Variants in PTPRG observed in about 807,000 individuals in gnomAD.
PTPRG encodes the protein protein tyrosine phosphatase receptor type G.
A neutral mutation model predicts 165.3 loss-of-function variants in PTPRG; 102 were observed. The ratio of observed to expected loss-of-function variants is 0.62; its 90% CI spans 0.53 to 0.73. The LOEUF is 0.73. PTPRG is among the 30% of genes least tolerant of loss of function. PTPRG has a pLI of 0.00. For synonymous variants in PTPRG, 675 were observed against 669.5 expected (o/e 1.01, Z -0.13); for missense variants, 1,866 against 1,861.4 (o/e 1.00, Z -0.05).
intron 2 of PTPRG, among the ~76,000 whole-genome samples, chr3:61,859,480 C>T (rs2037200278): frequency 6.6e-6 from 1 of 152,102 alleles, no homozygotes. Flanking sequence ...TTTCTTCCCC[C>T]TATGCCTCTG....
intron 2 of PTPRG, among the ~76,000 whole-genome samples, chr3:61,775,346 T>C (rs1575654098): frequency 6.6e-6 from 1 of 152,100 alleles, no homozygotes; most frequent in Non-Finnish European, 1.5e-5. Context: ...GCTGGGATTA[T>C]AGGCATGAGG....
At chr3:61,903,443 G>C (rs536813648) in intron 2 of PTPRG, among the ~76,000 whole-genome samples, 1 of 152,008 alleles carries the variant, frequency 6.6e-6, no homozygotes, top group Non-Finnish European at 1.5e-5. Context: ...GCACAATCTC[G>C]GCTCACTGCA....
intron 2 of PTPRG, among the ~76,000 whole-genome samples, chr3:61,881,665 T>A (rs1012950218): frequency 6.6e-6 from 1 of 152,236 alleles, no homozygotes; most frequent in Admixed American, 6.5e-5. Context: ...AAGAACACTT[T>A]CCTCAAATAC....
chr3:61,972,447 A>T (rs565537406), intron 2 of PTPRG, among the ~76,000 whole-genome samples: 1 of 147,772 alleles, frequency 6.8e-6, no homozygotes, highest in South Asian at 2.3e-4. Context: ...TTAAGTTTTA[A>T]CAGGATCCCT....
intron 1 of PTPRG, among the ~76,000 whole-genome samples, chr3:61,738,324 A>ATGTATATATATATGTGTATATATATGTG (rs1553657854): frequency 1.1e-5 from 1 of 93,654 alleles, no homozygotes; most frequent in Non-Finnish European, 2.2e-5. Context: ...ATATATATAT[A>ATGTATATATATATGTGTATATATATGTG]TATATATATA....
At chr3:61,932,390 G>A (rs1225897596) in intron 2 of PTPRG, among the ~76,000 whole-genome samples, 2 of 152,174 alleles carry the variant, frequency 1.3e-5, no homozygotes, top group Admixed American at 1.3e-4. Flanking sequence ...ATTTCTAGCA[G>A]CCTCAGGCGT....
At chr3:61,729,276 C>T (rs139547750) in intron 1 of PTPRG, among the ~76,000 whole-genome samples, 2 of 152,158 alleles carry the variant, frequency 1.3e-5, no homozygotes, top group Non-Finnish European at 2.9e-5. Context: ...CAGTTGTTGC[C>T]GTATGTTTCA....
intron 2 of PTPRG, among the ~76,000 whole-genome samples, chr3:61,942,765 A>C (rs2039665011): frequency 6.6e-6 from 1 of 152,220 alleles, no homozygotes; most frequent in Non-Finnish European, 1.5e-5. Context: ...CAAATCTCAA[A>C]AGTATTGCTT....
intron 2 of PTPRG, among the ~76,000 whole-genome samples, chr3:61,827,709 A>G (rs1264743821): frequency 1.3e-5 from 2 of 152,214 alleles, no homozygotes; most frequent in Non-Finnish European, 2.9e-5. Flanking sequence ...TCATTAGGTT[A>G]TACATACATG....
At chr3:61,938,826 C>T (rs2039542779) in intron 2 of PTPRG, among the ~76,000 whole-genome samples, 1 of 152,124 alleles carries the variant, frequency 6.6e-6, no homozygotes, top group African/African-American at 2.4e-5. Flanking sequence ...AAAGTAATAG[C>T]ATTGCTTAAC....
intron 1 of PTPRG, among the ~76,000 whole-genome samples, chr3:61,716,708 C>T (rs981391750): frequency 2.0e-5 from 3 of 152,194 alleles, no homozygotes; most frequent in African/African-American, 7.2e-5. Context: ...CATGTTGGCT[C>T]ACGCCTGTAA....
chr3:61,661,019 C>T (rs1218221695), intron 1 of PTPRG, among the ~76,000 whole-genome samples: 1 of 152,090 alleles, frequency 6.6e-6, no homozygotes. Context: ...CAAAACCTTA[C>T]ACAATTTAAT....
intron 2 of PTPRG, among the ~76,000 whole-genome samples, chr3:61,861,553 T>A (rs896446405): frequency 6.6e-6 from 1 of 152,192 alleles, no homozygotes; most frequent in African/African-American, 2.4e-5. Flanking sequence ...CTAAGAGGCT[T>A]GTCTTTGTTG....
At chr3:62,171,939 G>A (rs1705232936) in intron 8 of PTPRG, among the ~76,000 whole-genome samples, 1 of 152,072 alleles carries the variant, frequency 6.6e-6, no homozygotes. Context: ...TCCAGGGCTA[G>A]GCAACCACTA....
At chr3:62,042,232 A>G (rs1700152006) in intron 4 of PTPRG, among the ~76,000 whole-genome samples, 1 of 152,144 alleles carries the variant, frequency 6.6e-6, no homozygotes, top group Admixed American at 6.5e-5. Flanking sequence ...TGTGAACAGT[A>G]GTATTTCCAG....
At chr3:62,207,044 G>A (rs1288569320) in intron 12 of PTPRG, among the ~76,000 whole-genome samples, 2 of 151,048 alleles carry the variant, frequency 1.3e-5, no homozygotes, top group Non-Finnish European at 2.9e-5. Flanking sequence ...AAACTTCCTT[G>A]AAAATTTCAA....
rs867155387 is a variant in PTPRG at position 61,808,482 on chromosome 3, C to T, written c.190+59500C>T. Among the ~76,000 whole-genome samples the T allele has an allele frequency of 6.6e-5, 10 of 152,146 alleles. No individual in the cohort carries two copies. In the South Asian group the frequency reaches 8.3e-4, roughly 13 times the overall value. On this transcript the variant is annotated intron_variant, in intron 2 of 29. Coordinates refer to ENST00000474889, the MANE Select transcript of PTPRG (RefSeq NM_002841.4). The stretch of plus-strand genomic sequence containing the variant: ...GTGGGCTCTTGGTCCAGTTTGGGAA[C>T]CCGTAAAAGAAGTTATCAACCTCAT...
chr3:62,110,434 A>G (rs1702628718), intron 5 of PTPRG, among the ~76,000 whole-genome samples: 1 of 152,140 alleles, frequency 6.6e-6, no homozygotes, highest in African/African-American at 2.4e-5. Context: ...ATTGAGTACA[A>G]AATAAATAAA....
chr3:61,708,443 C>CT (rs61136954), intron 1 of PTPRG, among the ~76,000 whole-genome samples: 1,757 of 75,930 alleles, frequency 0.023, 234 homozygotes, highest in African/African-American at 0.043. Flanking sequence ...CTCTGCAAAT[C>CT]TTTTTTTTTT....
Sources: allele counts gnomAD v4.1 joint callset (sites outside exome capture counted in the v4.1 genomes callset), GRCh38; gene constraint gnomAD v4.1.1; transcripts MANE v1.5; gene names NCBI Gene and HGNC (gene_info 2026-07-23, HGNC 2026-07-21).